The following NEMP2 variants were observed in gnomAD, a reference collection of about 807,000 sequenced individuals.
NEMP2 encodes the protein UPF0571 transmembrane protein.
NEMP2 carries 53 observed loss-of-function variants against 54.2 expected under a neutral mutation model. That is an observed-to-expected ratio of 0.98 (90% CI 0.78 to 1.23). NEMP2 has a LOEUF of 1.23. Among genes scored for constraint, NEMP2 ranks in the 50% most tolerant of loss-of-function variants. The probability of loss-of-function intolerance (pLI) is 0.00; values close to 1 mark genes in which losing one functional copy is unlikely to be tolerated. For synonymous variants in NEMP2, 197 were observed against 190.3 expected, an observed-to-expected ratio of 1.04 and a Z score of -0.29; for missense variants, 455 against 511.3, an observed-to-expected ratio of 0.89 and a Z score of 1.06.
chr2:190,626,453 C>CGAGA, the NEMP2 span: 1 of 151,142 alleles, frequency 6.6e-6, no homozygotes, highest in Non-Finnish European at 1.5e-5. This position sits in a 1 kb window ranked among gnomAD's most constrained non-coding sequence, Gnocchi z 4.5. Flanking sequence ...TTAAGAGTGT[C>CGAGA]GAGAGAGAGA....
chr2:190,611,981 T>A, the NEMP2 span, among the ~76,000 whole-genome samples: 2 of 152,130 alleles, frequency 1.3e-5, no homozygotes, highest in African/African-American at 4.8e-5. This position sits in a 1 kb window ranked among gnomAD's most constrained non-coding sequence, Gnocchi z 5.4. Flanking sequence ...AGGCAAGTTG[T>A]ACAGCTAAGA....
At chr2:190,603,299 G>C in the NEMP2 span, among the ~76,000 whole-genome samples, 1 of 152,012 alleles carries the variant, frequency 6.6e-6, no homozygotes, top group Non-Finnish European at 1.5e-5. Context: ...ATCCCTCTCA[G>C]AGATGCTTCT....
At position 190,530,890 on chromosome 2, in the gene NEMP2, G is replaced by A. The variant is rs1691121870; in HGVS notation, c.97+3669C>T. 6.6e-6 allele frequency among the ~76,000 whole-genome samples: 1 copy of A among 152,168 alleles called. No individual in the cohort carries two copies. Among genetic ancestry groups the A allele is most frequent in the South Asian group, 2.1e-4 (1 of 4,828 alleles). On this transcript the variant is annotated intron_variant, in intron 1 of 8. Coordinates refer to ENST00000409150, the MANE Select transcript of NEMP2 (RefSeq NM_001142645.2). This position sits in a 1 kb window ranked among gnomAD's most constrained non-coding sequence, Gnocchi z 4.6. ...GTATCAAAACAACAACGGGCCAGGT[G>A]CTGAGGCTCATGCCTGTAATCCCAG...
At chr2:190,648,521 T>TG in the NEMP2 span, 1 of 90,082 alleles carries the variant, frequency 1.1e-5, no homozygotes, top group East Asian at 3.4e-4. Flanking sequence ...CTGTTGTTTT[T>TG]TTTTTTTTTT....
the NEMP2 span, among the ~76,000 whole-genome samples, chr2:190,606,447 T>C: frequency 3.3e-5 from 5 of 152,148 alleles, no homozygotes; most frequent in Admixed American, 2.0e-4. Context: ...CATGGTGGCT[T>C]ACGCCTGTAA....
At chr2:190,488,118 G>T in the NEMP2 span, among the ~76,000 whole-genome samples, 1 of 152,140 alleles carries the variant, frequency 6.6e-6, no homozygotes, top group African/African-American at 2.4e-5. The surrounding 1 kb of genome is among the most constrained non-coding windows in gnomAD (Gnocchi z 6.4). Flanking sequence ...GGCCAGGATG[G>T]TCTCAATCTC....
chr2:190,476,312 AC>A, the NEMP2 span, among the ~76,000 whole-genome samples: 3 of 152,216 alleles, frequency 2.0e-5, no homozygotes, highest in Admixed American at 6.5e-5. Context: ...TACTCATCTG[AC>A]AAAGGGCTAA....
chr2:190,494,808 G>T, the NEMP2 span, among the ~76,000 whole-genome samples: 3 of 152,148 alleles, frequency 2.0e-5, no homozygotes, highest in Non-Finnish European at 2.9e-5. The surrounding 1 kb of genome is among the most constrained non-coding windows in gnomAD (Gnocchi z 5.7). Flanking sequence ...ATCCCTTTAT[G>T]ATTAAAACCC....
chr2:190,546,215 A>T, the NEMP2 span, among the ~76,000 whole-genome samples: 120 of 152,096 alleles, frequency 7.9e-4, 2 homozygotes, highest in Non-Finnish European at 6.0e-4. The surrounding 1 kb of genome is among the most constrained non-coding windows in gnomAD (Gnocchi z 5.1). Flanking sequence ...ACAGACAGAA[A>T]ATTTTTTTTT....
chr2:190,533,981 ACAC>A lies in NEMP2; in HGVS notation c.97+575_97+577del, dbSNP rs932188409. 35 of 985,334 alleles carry A rather than the reference ACAC, an allele frequency of 3.6e-5. No homozygotes were observed. The South Asian group carries it at 8.0e-4, about 22-fold the overall frequency. 61.0% of individuals were successfully genotyped at this position (985,334 alleles called of 1,614,324 possible). A position where few individuals can be genotyped will look rare whatever the true frequency, so the allele number is the denominator to read the frequency against. ...TGTGTGCCAGGCATTGTGCACACGAACACCACAAGAACCTTGTGAGGCCTCATT... is the reference window on the plus strand; with the variant it reads ...TGTGTGCCAGGCATTGTGCACACGAACACAAGAACCTTGTGAGGCCTCATT... On this transcript the variant is annotated intron_variant, in intron 1 of 8. Coordinates refer to ENST00000409150, the MANE Select transcript of NEMP2 (RefSeq NM_001142645.2). The surrounding 1 kb of genome is among the most constrained non-coding windows in gnomAD (Gnocchi z 4.3).
At chr2:190,644,841 C>A in the NEMP2 span, among the ~76,000 whole-genome samples, 1 of 152,210 alleles carries the variant, frequency 6.6e-6, no homozygotes, top group Admixed American at 6.5e-5. The surrounding 1 kb of genome is among the most constrained non-coding windows in gnomAD (Gnocchi z 4.4). Context: ...CAATGAACCC[C>A]AGTGACACAA....
intron 6 of NEMP2, 21 bp downstream of exon 6, chr2:190,516,249 A>G (rs143458726): frequency 2.0e-6 from 3 of 1,503,174 alleles, no homozygotes; most frequent in African/African-American, 2.8e-5. Context: ...CACAGAGCAT[A>G]TTGTTTTTCT....
At chr2:190,641,001 T>C in the NEMP2 span, 1 of 152,214 alleles carries the variant, frequency 6.6e-6, no homozygotes, top group Non-Finnish European at 1.5e-5. Context: ...TCTCTGCCCC[T>C]TTTCCCTGCA....
At chr2:190,641,214 A>G in the NEMP2 span, 4 of 152,018 alleles carry the variant, frequency 2.6e-5, no homozygotes, top group East Asian at 1.9e-4. Flanking sequence ...GTTACTTGTC[A>G]TAAGTACAGA....
At chr2:190,636,446 A>G in the NEMP2 span, among the ~76,000 whole-genome samples, 1 of 152,230 alleles carries the variant, frequency 6.6e-6, no homozygotes, top group East Asian at 1.9e-4. Flanking sequence ...TTGGAAGAAT[A>G]CCATATTGGA....
At chr2:190,567,460 A>C in the NEMP2 span, among the ~76,000 whole-genome samples, 1 of 152,200 alleles carries the variant, frequency 6.6e-6, no homozygotes, top group South Asian at 2.1e-4. The surrounding 1 kb of genome is among the most constrained non-coding windows in gnomAD (Gnocchi z 4.0). Flanking sequence ...GCCCACACCA[A>C]GGCACATCAT....
At chr2:190,499,756 A>AT, downstream of NEMP2, 1 of 1,386,976 alleles carries the variant, frequency 7.2e-7, no homozygotes, top group Non-Finnish European at 9.7e-7. This position sits in a 1 kb window ranked among gnomAD's most constrained non-coding sequence, Gnocchi z 6.0. Context: ...ACTAACAGAC[A>AT]TTTTGGTAGT....
the NEMP2 span, among the ~76,000 whole-genome samples, chr2:190,595,064 T>C: frequency 6.6e-6 from 1 of 152,164 alleles, no homozygotes; most frequent in Admixed American, 6.5e-5. This position sits in a 1 kb window ranked among gnomAD's most constrained non-coding sequence, Gnocchi z 4.0. Context: ...CAAGAAATAA[T>C]GCTTATTTTA....
chr2:190,443,119 C>A, the NEMP2 span: 1 of 152,124 alleles, frequency 6.6e-6, no homozygotes, highest in African/African-American at 2.4e-5. The surrounding 1 kb of genome is among the most constrained non-coding windows in gnomAD (Gnocchi z 4.2). Context: ...TGAGCACCCC[C>A]CAATATCATC....
Sources: allele counts gnomAD v4.1 joint callset (sites outside exome capture counted in the v4.1 genomes callset), GRCh38; gene constraint gnomAD v4.1.1; non-coding constraint Gnocchi (gnomAD v3.1); transcripts MANE v1.5; gene names NCBI Gene and HGNC (gene_info 2026-07-23, HGNC 2026-07-21).